Variants in CNTN3 observed in about 807,000 individuals in gnomAD.
CNTN3 encodes contactin-3.
Under a neutral mutation model 119.1 loss-of-function variants are expected in CNTN3, and 60 were observed. That is an observed-to-expected ratio of 0.50 (90% CI 0.41 to 0.62). The LOEUF is 0.62. Ranked by LOEUF, CNTN3 falls within the 20% of genes least tolerant of loss-of-function variation. CNTN3 has a pLI of 0.00. For synonymous variants in CNTN3, 450 were observed against 438.7 expected (o/e 1.03, Z -0.32); for missense variants, 1,101 against 1,242.4 (o/e 0.89, Z 1.71).
intron 5 of CNTN3, among the ~76,000 whole-genome samples, chr3:74,406,890 C>G (rs1156616215): frequency 6.6e-6 from 1 of 152,132 alleles, no homozygotes; most frequent in East Asian, 1.9e-4. Flanking sequence ...TAGGAGACTT[C>G]AGCAGAGGAC....
At chr3:74,546,903 A>G (rs563887613) in intron 1 of CNTN3, among the ~76,000 whole-genome samples, 13 of 152,244 alleles carry the variant, frequency 8.5e-5, no homozygotes, top group African/African-American at 3.1e-4. Flanking sequence ...CAAGCATTCA[A>G]ATAATTTCAA....
intron 1 of CNTN3, among the ~76,000 whole-genome samples, chr3:74,556,038 AT>A (rs1704063572): frequency 6.6e-6 from 1 of 151,982 alleles, no homozygotes; most frequent in African/African-American, 2.4e-5. Flanking sequence ...TTCTTTGTCT[AT>A]TTTTGTTAAC....
At chr3:74,434,624 A>ACAGGGC in intron 4 of CNTN3, among the ~76,000 whole-genome samples, 1 of 152,170 alleles carries the variant, frequency 6.6e-6, no homozygotes, top group African/African-American at 2.4e-5. Context: ...AGCTATTTGA[A>ACAGGGC]CAGGGCATAT....
intron 1 of CNTN3, among the ~76,000 whole-genome samples, chr3:74,584,791 T>C (rs1213332427): frequency 1.3e-5 from 2 of 152,124 alleles, no homozygotes; most frequent in Non-Finnish European, 2.9e-5. Flanking sequence ...TTACTTCCAT[T>C]TGAGAGTTGA....
At chr3:74,471,212 G>A (rs1702555638) in intron 4 of CNTN3, among the ~76,000 whole-genome samples, 2 of 152,052 alleles carry the variant, frequency 1.3e-5, no homozygotes, top group Non-Finnish European at 2.9e-5. Context: ...GAGGCTGGGG[G>A]AGAGATAACA....
chr3:74,432,339 C>A (rs1449653471), intron 4 of CNTN3, among the ~76,000 whole-genome samples: 2 of 151,084 alleles, frequency 1.3e-5, no homozygotes, highest in African/African-American at 4.9e-5. Flanking sequence ...GAAGAATTGT[C>A]TTGGGCCACA....
chr3:74,310,095 T>C (rs1284711143), intron 13 of CNTN3, among the ~76,000 whole-genome samples: 1 of 152,236 alleles, frequency 6.6e-6, no homozygotes, highest in Non-Finnish European at 1.5e-5. Context: ...GAGCTTACTT[T>C]GAGTAAAGTT....
At chr3:74,294,349 C>T (rs1702292567) in intron 19 of CNTN3, among the ~76,000 whole-genome samples, 1 of 152,310 alleles carries the variant, frequency 6.6e-6, no homozygotes, top group African/African-American at 2.4e-5. Flanking sequence ...TCTTCTTAGC[C>T]TTTAAAGCCA....
rs1485995990 is a variant in CNTN3 at position 74,366,778 on chromosome 3, G to GTATATATATATATATA, written c.947-1077_947-1076insTATATATATATATATA. Among the ~76,000 whole-genome samples the GTATATATATATATATA allele has an allele frequency of 1.0e-2, 406 of 40,744 alleles. 1 individual carries two copies. Among genetic ancestry groups the GTATATATATATATATA allele is most frequent in the South Asian group, 0.022 (13 of 600 alleles). The allele number at this position is 40,744 out of a possible 152,430, so 26.7% of individuals were successfully genotyped here. On this transcript the variant is annotated intron_variant, in intron 8 of 22. Coordinates refer to ENST00000263665, the MANE Select transcript of CNTN3 (RefSeq NM_020872.3). ...TGTGTGCGTGTGTGTGTGTGTGTGT[G>GTATATATATATATATA]TGTATATATATATATATATATATAT...
chr3:74,285,337 C>G lies in CNTN3; in HGVS notation c.2672G>C (p.Ser891Thr). Residue 891 changes from serine to threonine, a missense_variant, in exon 20 of 23, where the codon AGC (serine) becomes ACC (threonine). Ser to Thr is a moderately conservative substitution (Grantham distance 58, BLOSUM62 1). Coordinates refer to ENST00000263665, the MANE Select transcript of CNTN3 (RefSeq NM_020872.3). ...AYNSAGAGPF[S>T]ATVNVTTKKT... ...CTTGGTGGTTACATTAACTGTGGCG[C>G]TAAAAGGCCCAGCGCCGGCACTGTT... 1 of 1,609,804 alleles carries G rather than the reference C, an allele frequency of 6.2e-7. No homozygotes were observed. Among genetic ancestry groups the G allele is most frequent in the Middle Eastern group, 1.7e-4 (1 of 6,020 alleles).
chr3:74,534,106 A>G (rs1374517004), intron 1 of CNTN3, among the ~76,000 whole-genome samples: 1 of 152,036 alleles, frequency 6.6e-6, no homozygotes, highest in Non-Finnish European at 1.5e-5. Context: ...CAAAGAAAGG[A>G]CACACTTCAT....
intron 1 of CNTN3, among the ~76,000 whole-genome samples, chr3:74,550,524 G>C (rs1323793426): frequency 6.6e-6 from 1 of 152,050 alleles, no homozygotes; most frequent in Non-Finnish European, 1.5e-5. Context: ...TTTTGCTCCT[G>C]TTGTTGTTGT....
intron 1 of CNTN3, among the ~76,000 whole-genome samples, chr3:74,600,715 C>A (rs565280167): frequency 2.0e-5 from 3 of 152,122 alleles, no homozygotes; most frequent in African/African-American, 7.2e-5. Context: ...CAAATCATGG[C>A]CTTTCACTAT....
At chr3:74,478,927 T>C (rs1702709709) in intron 4 of CNTN3, among the ~76,000 whole-genome samples, 1 of 152,090 alleles carries the variant, frequency 6.6e-6, no homozygotes, top group Non-Finnish European at 1.5e-5. Context: ...GAATATGGTA[T>C]AGAAAGGAAA....
At chr3:74,547,377 C>G (rs998170722) in intron 1 of CNTN3, among the ~76,000 whole-genome samples, 7 of 152,168 alleles carry the variant, frequency 4.6e-5, no homozygotes, top group Admixed American at 6.5e-5. Flanking sequence ...AGGTAACACA[C>G]ATACACACAC....
At chr3:74,365,001 A>G (rs1704156379) in intron 9 of CNTN3, among the ~76,000 whole-genome samples, 1 of 152,164 alleles carries the variant, frequency 6.6e-6, no homozygotes, top group African/African-American at 2.4e-5. Flanking sequence ...TAAAAACATT[A>G]TCAAATCTGT....
At chr3:74,495,603 TC>T (rs1423029495) in intron 3 of CNTN3, among the ~76,000 whole-genome samples, 1 of 152,032 alleles carries the variant, frequency 6.6e-6, no homozygotes, top group Non-Finnish European at 1.5e-5. Context: ...TTACATCCAC[TC>T]CTTGAATAAA....
intron 4 of CNTN3, among the ~76,000 whole-genome samples, chr3:74,444,226 T>A (rs1341280893): frequency 6.6e-6 from 1 of 152,032 alleles, no homozygotes; most frequent in Non-Finnish European, 1.5e-5. Flanking sequence ...ACAACCCTAT[T>A]TTCAAACAAC....
intron 5 of CNTN3, among the ~76,000 whole-genome samples, chr3:74,380,601 C>G (rs1412203100): frequency 6.6e-6 from 1 of 152,180 alleles, no homozygotes; most frequent in Non-Finnish European, 1.5e-5. Flanking sequence ...TTAGTACAAC[C>G]TAACTATGGA....
Sources: allele counts gnomAD v4.1 joint callset (sites outside exome capture counted in the v4.1 genomes callset), GRCh38; gene constraint gnomAD v4.1.1; transcripts MANE v1.5; gene names NCBI Gene and HGNC (gene_info 2026-07-23, HGNC 2026-07-21).